NSMCE2: variants seen among roughly 807,000 people sequenced by gnomAD.
NSMCE2 encodes NSE2 SUMO ligase component of SMC5/6 complex, also known as E3 SUMO-protein ligase NSE2.
NSMCE2 carries 24 observed loss-of-function variants against 23.8 expected under a neutral mutation model. The observed-to-expected ratio is 1.01, with a 90% CI of 0.73 to 1.42. The LOEUF (loss-of-function observed/expected upper bound fraction) is 1.42. NSMCE2 is among the 40% of genes most tolerant of loss of function. The pLI is 0.00. For synonymous variants in NSMCE2, 92 were observed against 94.1 expected (o/e 0.98, Z 0.13); for missense variants, 284 against 296.5 (o/e 0.96, Z 0.31).
At position 125,353,053 on chromosome 8, in the gene NSMCE2, C is replaced by T. The variant is rs115180160; in HGVS notation, c.419-4166C>T. Among the ~76,000 whole-genome samples the T allele has an allele frequency of 8.0e-4, 122 of 152,330 alleles. 1 individual carries two copies. Among genetic ancestry groups the T allele is most frequent in the African/African-American group, 2.9e-3 (119 of 41,572 alleles). ...TACAATTTTGAAGTTCCCCACTCAGCCTTCCCTAGTGGTAGGCATTGCATT... is the reference window on the plus strand; with the variant it reads ...TACAATTTTGAAGTTCCCCACTCAGTCTTCCCTAGTGGTAGGCATTGCATT... On this transcript the variant is annotated intron_variant, in intron 5 of 7. Transcript: ENST00000287437.
intron 4 of NSMCE2, among the ~76,000 whole-genome samples, chr8:125,175,052 G>T (rs917800313): frequency 6.6e-6 from 1 of 152,190 alleles, no homozygotes; most frequent in African/African-American, 2.4e-5. Flanking sequence ...ATATGTACAT[G>T]CAGTTAGGTT....
intron 5 of NSMCE2, among the ~76,000 whole-genome samples, chr8:125,188,840 G>C (rs1823222654): frequency 6.6e-6 from 1 of 152,312 alleles, no homozygotes; most frequent in East Asian, 1.9e-4. Flanking sequence ...GGGGTTTTGT[G>C]ATGGGGGCCA....
intron 5 of NSMCE2, among the ~76,000 whole-genome samples, chr8:125,223,562 A>C (rs974687796): frequency 5.3e-5 from 8 of 152,192 alleles, no homozygotes; most frequent in African/African-American, 1.9e-4. Flanking sequence ...ACTGTTTTTC[A>C]TAATAGCTGT....
intron 5 of NSMCE2, among the ~76,000 whole-genome samples, chr8:125,246,380 C>T (rs1247072357): frequency 1.3e-5 from 2 of 151,960 alleles, no homozygotes. Context: ...GACAGGGTTT[C>T]ACCATGTTGG....
chr8:125,119,267 C>A (rs1385749415), intron 3 of NSMCE2, among the ~76,000 whole-genome samples: 1 of 152,206 alleles, frequency 6.6e-6, no homozygotes, highest in Non-Finnish European at 1.5e-5. Flanking sequence ...CATGGTTTCT[C>A]CACATGATGG....
At chr8:125,184,618 A>T (rs957191294) in intron 5 of NSMCE2, among the ~76,000 whole-genome samples, 1 of 152,134 alleles carries the variant, frequency 6.6e-6, no homozygotes, top group African/African-American at 2.4e-5. Context: ...CTTTTGAAAA[A>T]TACTCTATAA....
intron 5 of NSMCE2, among the ~76,000 whole-genome samples, chr8:125,199,858 G>T (rs111527821): frequency 0.041 from 6,223 of 152,108 alleles, 422 homozygotes; most frequent in African/African-American, 0.14. Context: ...ATCTGGGTGC[G>T]CCTGTGTTGG....
chr8:125,187,591 A>C (rs1823161804), intron 5 of NSMCE2, among the ~76,000 whole-genome samples: 2 of 152,198 alleles, frequency 1.3e-5, no homozygotes, highest in South Asian at 4.1e-4. Context: ...TCTTCAAGTC[A>C]TCAAGCAATC....
intron 5 of NSMCE2, among the ~76,000 whole-genome samples, chr8:125,336,361 T>G (rs960207535): frequency 6.6e-6 from 1 of 152,216 alleles, no homozygotes; most frequent in Non-Finnish European, 1.5e-5. Flanking sequence ...ATGGGGAAAC[T>G]AAGGCTCTGA....
At chr8:125,141,658 T>C (rs2130625514) in intron 3 of NSMCE2, among the ~76,000 whole-genome samples, 1 of 152,358 alleles carries the variant, frequency 6.6e-6, no homozygotes, top group Non-Finnish European at 1.5e-5. Flanking sequence ...CCTCTCTTCA[T>C]TCCCAAGTGT....
chr8:125,249,173 A>G (rs551839765), intron 5 of NSMCE2, among the ~76,000 whole-genome samples: 2 of 151,644 alleles, frequency 1.3e-5, no homozygotes, highest in East Asian at 3.9e-4. Context: ...TCTGTCTCAA[A>G]AAAAAAAAAA....
At chr8:125,226,527 G>A (rs1825103335) in intron 5 of NSMCE2, among the ~76,000 whole-genome samples, 1 of 152,166 alleles carries the variant, frequency 6.6e-6, no homozygotes, top group African/African-American at 2.4e-5. Flanking sequence ...TCTCATTCGT[G>A]ATGCTTGGGT....
intron 3 of NSMCE2, among the ~76,000 whole-genome samples, chr8:125,116,670 CT>C (rs1224552741): frequency 6.6e-6 from 1 of 152,074 alleles, no homozygotes; most frequent in Non-Finnish European, 1.5e-5. Context: ...ATTCCTTAAC[CT>C]ACTTATGTCA....
chr8:125,195,199 T>C lies in NSMCE2; in HGVS notation c.418+12943T>C, dbSNP rs182495118. ...CCCATCCCTAGGCGTCAATATCAAC[T>C]GTGAACATTAAAAAAAGAAAAGAAA... On this transcript the variant is annotated intron_variant, in intron 5 of 7. Coordinates refer to ENST00000287437, the MANE Select transcript of NSMCE2 (RefSeq NM_173685.4). 1.1e-4 allele frequency among the ~76,000 whole-genome samples: 17 copies of C among 152,200 alleles called. No individual in the cohort carries two copies. In the East Asian group the frequency reaches 2.5e-3, roughly 22 times the overall value.
chr8:125,164,284 C>T (rs12679295), intron 4 of NSMCE2, among the ~76,000 whole-genome samples: 14,940 of 152,204 alleles, frequency 0.098, 945 homozygotes, highest in South Asian at 0.17. Context: ...TTGCGCAGAT[C>T]ACTTGGTTAG....
chr8:125,243,528 T>C (rs537031274), intron 5 of NSMCE2, among the ~76,000 whole-genome samples: 111 of 152,174 alleles, frequency 7.3e-4, no homozygotes, highest in Non-Finnish European at 1.4e-3. Context: ...AAATTTCTAA[T>C]GTGTATTGTC....
chr8:125,154,968 A>C (rs1821236434), intron 4 of NSMCE2, among the ~76,000 whole-genome samples: 2 of 152,210 alleles, frequency 1.3e-5, no homozygotes, highest in Admixed American at 1.3e-4. Context: ...TAAATGAATA[A>C]ATTTATGAAC....
intron 5 of NSMCE2, among the ~76,000 whole-genome samples, chr8:125,273,206 G>A (rs750171106): frequency 2.0e-5 from 3 of 152,216 alleles, no homozygotes; most frequent in Non-Finnish European, 4.4e-5. Flanking sequence ...AAAGACGCCA[G>A]TGAGACATTT....
rs79035150 is a variant in NSMCE2, at chr8:125,321,765, A to G, written c.419-35454A>G. Among the ~76,000 whole-genome samples the G allele has an allele frequency of 1.0e-2, 1,516 of 152,350 alleles. 19 individuals are homozygous for G. The highest frequency in any genetic ancestry group is 0.034 in the African/African-American group (1,433 of 41,578). On this transcript the variant is annotated intron_variant, in intron 5 of 7. Coordinates refer to ENST00000287437, the MANE Select transcript of NSMCE2 (RefSeq NM_173685.4). ...AAAACTAATCTGTATAATTCACCATATTAACAGAGCAAAAAAAGAAAAATC... is the reference window on the plus strand; with the variant it reads ...AAAACTAATCTGTATAATTCACCATGTTAACAGAGCAAAAAAAGAAAAATC...
Sources: allele counts gnomAD v4.1 joint callset (sites outside exome capture counted in the v4.1 genomes callset), GRCh38; gene constraint gnomAD v4.1.1; transcripts MANE v1.5; gene names NCBI Gene and HGNC (gene_info 2026-07-23, HGNC 2026-07-21).